Variants in RASA3 observed in about 807,000 individuals in gnomAD.
RASA3 encodes the protein RAS p21 protein activator 3, also known as ras GTPase-activating protein 3.
In RASA3, 73 loss-of-function variants were observed where a neutral mutation model predicts 110.0. The observed-to-expected ratio is 0.66, with a 90% CI of 0.55 to 0.81. The LOEUF is 0.81. Ranked by LOEUF, RASA3 falls within the 30% of genes least tolerant of loss-of-function variation. The pLI is 0.00. For missense variants in RASA3, 976 were observed against 1,113.2 expected (o/e 0.88, Z 1.75); for synonymous variants, 500 against 451.4 (o/e 1.11, Z -1.37).
chr13:114,004,582 G>A (rs2053473201), intron 18 of RASA3, among the ~76,000 whole-genome samples: 2 of 152,206 alleles, frequency 1.3e-5, no homozygotes, highest in Non-Finnish European at 2.9e-5. Context: ...GAATGGAGCC[G>A]CCTGAACCCA....
chr13:114,001,818 C>T (rs545726453), intron 18 of RASA3, among the ~76,000 whole-genome samples: 1 of 152,326 alleles, frequency 6.6e-6, no homozygotes, highest in Admixed American at 6.5e-5. Context: ...AAAACCCACA[C>T]CTGTGTTGTG....
chr13:114,030,930 A>C (rs1289115944), intron 4 of RASA3, among the ~76,000 whole-genome samples: 1 of 121,890 alleles, frequency 8.2e-6, no homozygotes. Context: ...CATGCATGCG[A>C]CTATGTGTGT....
chr13:114,042,683 C>T (rs1047355520), intron 3 of RASA3, among the ~76,000 whole-genome samples: 1 of 152,246 alleles, frequency 6.6e-6, no homozygotes, highest in African/African-American at 2.4e-5. Flanking sequence ...GTTCTCTCTT[C>T]CAAGGAAGAT....
At chr13:114,121,260 C>T (rs890897948) in intron 1 of RASA3, among the ~76,000 whole-genome samples, 4 of 152,238 alleles carry the variant, frequency 2.6e-5, no homozygotes, top group African/African-American at 4.8e-5. Context: ...AAACACATCC[C>T]GCCGAGCCTC....
At chr13:114,004,298 G>A (rs1372648083) in intron 18 of RASA3, among the ~76,000 whole-genome samples, 2 of 151,844 alleles carry the variant, frequency 1.3e-5, no homozygotes, top group Non-Finnish European at 1.5e-5. Flanking sequence ...CAGAATGGGA[G>A]GATATTTGCA....
chr13:114,031,295 G>A (rs2054162844), intron 4 of RASA3, among the ~76,000 whole-genome samples: 1 of 151,906 alleles, frequency 6.6e-6, no homozygotes, highest in Non-Finnish European at 1.5e-5. Flanking sequence ...CTGCCTGTCG[G>A]TGTCTGCCTG....
rs767173890 is a variant in RASA3, at chr13:114,021,442, C to T, written c.747G>A (p.Pro249=). 16 of 1,613,906 alleles carry T rather than the reference C, an allele frequency of 9.9e-6. No homozygotes were observed. The highest frequency in any genetic ancestry group is 1.4e-5 in the Non-Finnish European group (16 of 1,180,032). ...AGCTGGACTGCCGCAGGACTTTCAA[C>T]GGGATCCTTAGTTCTCCCAGGAATT... is the stretch of plus-strand genomic sequence containing the variant. ...GDEFLGELRI[P]LKVLRQSSSY... The change falls in exon 9 of 24, where the codon CCG becomes CCA. Residue 249 remains proline (P), a synonymous_variant. Transcript: ENST00000334062.
intron 22 of RASA3, among the ~76,000 whole-genome samples, chr13:113,990,336 T>C (rs1446753200): frequency 6.6e-6 from 1 of 152,134 alleles, no homozygotes; most frequent in Non-Finnish European, 1.5e-5. Context: ...GCAAGGGTGT[T>C]CCCAGCAGAG....
chr13:113,989,968 G>A (rs1239345311), intron 22 of RASA3, among the ~76,000 whole-genome samples: 1 of 152,220 alleles, frequency 6.6e-6, no homozygotes, highest in Non-Finnish European at 1.5e-5. Flanking sequence ...TGGAGGAGGG[G>A]CCTGGAGGAA....
At chr13:114,069,902 C>T (rs1311941151) in intron 2 of RASA3, among the ~76,000 whole-genome samples, 1 of 4,040 alleles carries the variant, frequency 2.5e-4, no homozygotes, top group Admixed American at 3.6e-3. Flanking sequence ...ACTCAGGGGT[C>T]AGGAGACTGG....
chr13:114,013,558 G>C (rs551215236), intron 14 of RASA3, among the ~76,000 whole-genome samples: 8 of 111,380 alleles, frequency 7.2e-5, no homozygotes, highest in African/African-American at 1.1e-4. Flanking sequence ...TTGTCCCTCT[G>C]TCTCTCTCCC....
chr13:114,065,154 T>A lies in RASA3; in HGVS notation c.173+8566A>T, dbSNP rs148101667. On this transcript the variant is annotated intron_variant, in intron 2 of 23. Coordinates refer to ENST00000334062, the MANE Select transcript of RASA3 (RefSeq NM_007368.4). The surrounding 1 kb of genome is among the most constrained non-coding windows in gnomAD (Gnocchi z 4.1). Reference sequence around the variant, plus strand: ...CTGAATTCCTCCTCCTCCTGGAGCCTGGAGCAGGGGCTCAGCTGGGACCAG... The same window carrying A: ...CTGAATTCCTCCTCCTCCTGGAGCCAGGAGCAGGGGCTCAGCTGGGACCAG... Among the ~76,000 whole-genome samples, 1 of 152,358 alleles carries A rather than the reference T, an allele frequency of 6.6e-6. No individual in the cohort carries two copies. Among genetic ancestry groups the A allele is most frequent in the Admixed American group, 6.5e-5 (1 of 15,304 alleles).
chr13:114,118,457 C>T (rs2080325596), intron 1 of RASA3, among the ~76,000 whole-genome samples: 1 of 152,140 alleles, frequency 6.6e-6, no homozygotes, highest in Admixed American at 6.5e-5. Context: ...GGTGGGTGAC[C>T]TCAAAAAGTC....
chr13:114,088,457 G>T (rs1297630676), intron 1 of RASA3, among the ~76,000 whole-genome samples: 1 of 152,060 alleles, frequency 6.6e-6, no homozygotes, highest in Non-Finnish European at 1.5e-5. Flanking sequence ...TTGCCCCCTA[G>T]GGAAAGGAAT....
rs1473431109 is a variant in RASA3, at chr13:114,114,341, A to G, written c.55+18094T>C. The stretch of plus-strand genomic sequence containing the variant: ...GATTTCCTGGGGTTTCCTTTATTAG[A>G]CTTGAGTCCAGAACTCCTCTAGAAA... On this transcript the variant is annotated intron_variant, in intron 1 of 23. Transcript: ENST00000334062. The surrounding 1 kb of genome is among the most constrained non-coding windows in gnomAD (Gnocchi z 4.8). Among the ~76,000 whole-genome samples the G allele has an allele frequency of 6.6e-6, 1 of 152,170 alleles. No individual in the cohort carries two copies. The highest frequency in any genetic ancestry group is 1.5e-5 in the Non-Finnish European group (1 of 68,024).
intron 2 of RASA3, among the ~76,000 whole-genome samples, chr13:114,068,544 C>T (rs940806775): frequency 1.3e-5 from 2 of 152,222 alleles, no homozygotes; most frequent in African/African-American, 2.4e-5. Flanking sequence ...CTGGACAAGA[C>T]GGTGATTTCC....
chr13:114,073,608 G>T, intron 2 of RASA3, 112 bp downstream of exon 2: 1 of 888,098 alleles, frequency 1.1e-6, no homozygotes, highest in Non-Finnish European at 1.9e-6. Flanking sequence ...TGACGTACAC[G>T]CTCGGGACGT....
At chr13:114,131,316 T>TG (rs2080515167) in intron 1 of RASA3, among the ~76,000 whole-genome samples, 1 of 151,936 alleles carries the variant, frequency 6.6e-6, no homozygotes, top group Non-Finnish European at 1.5e-5. Context: ...AGAAGGACCG[T>TG]GGGGACCGCG....
intron 1 of RASA3, among the ~76,000 whole-genome samples, chr13:114,087,920 A>T (rs2079842697): frequency 6.6e-6 from 1 of 152,240 alleles, no homozygotes; most frequent in African/African-American, 2.4e-5. Flanking sequence ...GCTCGAGCCC[A>T]GGAGTTGGAG....
Sources: allele counts gnomAD v4.1 joint callset (sites outside exome capture counted in the v4.1 genomes callset), GRCh38; gene constraint gnomAD v4.1.1; non-coding constraint Gnocchi (gnomAD v3.1); transcripts MANE v1.5; gene names NCBI Gene and HGNC (gene_info 2026-07-23, HGNC 2026-07-21).